Variants in MEGF11 observed in about 807,000 individuals in gnomAD.
The protein encoded by MEGF11 is multiple EGF like domains 11.
A neutral mutation model predicts 146.6 loss-of-function variants in MEGF11; 126 were observed. The observed-to-expected ratio is 0.86, with a 90% confidence interval of 0.74 to 1.00. The LOEUF is 1.00. Among genes scored for constraint, MEGF11 ranks in the 50% least tolerant of loss-of-function variants. The probability of loss-of-function intolerance (pLI) is 0.00; values close to 1 mark genes in which losing one functional copy is unlikely to be tolerated. For missense variants in MEGF11, 1,509 were observed against 1,521.2 expected, an observed-to-expected ratio of 0.99 and a Z score of 0.13; for synonymous variants, 532 against 583.4, an observed-to-expected ratio of 0.91 and a Z score of 1.27.
intron 5 of MEGF11, among the ~76,000 whole-genome samples, chr15:66,023,498 C>T (rs1401417113): frequency 6.6e-6 from 1 of 152,206 alleles, no homozygotes; most frequent in Non-Finnish European, 1.5e-5. Flanking sequence ...GCCAAGGCTC[C>T]CTGCCAGGGA....
intron 1 of MEGF11, among the ~76,000 whole-genome samples, chr15:66,217,840 T>A (rs9919964): frequency 7.2e-4 from 109 of 152,312 alleles, no homozygotes; most frequent in African/African-American, 2.3e-3. Context: ...TCCAGAAAGC[T>A]GAGGCCCCAA....
intron 5 of MEGF11, among the ~76,000 whole-genome samples, chr15:65,989,154 C>T (rs930535407): frequency 6.6e-6 from 1 of 152,134 alleles, no homozygotes; most frequent in East Asian, 1.9e-4. Flanking sequence ...TCTCTGTTCT[C>T]ACTGGTCCTC....
intron 6 of MEGF11, among the ~76,000 whole-genome samples, chr15:65,981,807 C>T (rs2081649098): frequency 6.6e-6 from 1 of 152,140 alleles, no homozygotes; most frequent in Non-Finnish European, 1.5e-5. Flanking sequence ...AGGACCCTCA[C>T]CTCTCTCTGT....
intron 21 of MEGF11, among the ~76,000 whole-genome samples, chr15:65,910,682 T>G (rs141730457): frequency 7.9e-4 from 120 of 152,284 alleles, no homozygotes; most frequent in African/African-American, 2.8e-3. Context: ...GTGGTTGCCC[T>G]TGAGGCTGTA....
chr15:66,156,542 G>A (rs945039481), intron 1 of MEGF11, among the ~76,000 whole-genome samples: 6 of 151,994 alleles, frequency 3.9e-5, no homozygotes, highest in Admixed American at 2.0e-4. Context: ...CCTGTGTCAG[G>A]ACACGGCAGA....
chr15:65,984,979 G>A (rs1356725579), intron 5 of MEGF11, among the ~76,000 whole-genome samples: 1 of 151,762 alleles, frequency 6.6e-6, no homozygotes. Flanking sequence ...ATGTTGGCCG[G>A]GTTGGTCTCA....
At position 65,970,648 on chromosome 15, in the gene MEGF11, G is replaced by C. The variant is rs560375185; in HGVS notation, c.804C>G (p.Gly268=). 1 of 1,613,126 alleles carries C rather than the reference G, an allele frequency of 6.2e-7. No individual in the cohort carries two copies. Among genetic ancestry groups the C allele is most frequent in the East Asian group, 2.2e-5 (1 of 44,874 alleles). ...CAQPCPPGTF[G]QNCSQDCPCH... is the part of the protein sequence containing the mutation. ...AAGGACAATCCTGGCTGCAGTTCTG[G>C]CCAAATGTCCCTGGTGGGCAGGGCT... Residue 268 remains glycine (G), a synonymous_variant, in exon 8 of 26, where the codon GGC becomes GGG. Transcript: ENST00000395614.
intron 1 of MEGF11, among the ~76,000 whole-genome samples, chr15:66,249,126 C>G (rs898659554): frequency 1.3e-5 from 2 of 152,170 alleles, no homozygotes; most frequent in African/African-American, 4.8e-5. Context: ...GACAGACAGA[C>G]AGAGTTTCAA....
At chr15:66,086,660 A>G (rs2086120969) in intron 5 of MEGF11, among the ~76,000 whole-genome samples, 1 of 152,228 alleles carries the variant, frequency 6.6e-6, no homozygotes, top group Non-Finnish European at 1.5e-5. Flanking sequence ...TGCTAAAAGG[A>G]GCTCTAAATC....
intron 10 of MEGF11, among the ~76,000 whole-genome samples, chr15:65,947,140 A>G (rs1354741054): frequency 6.6e-6 from 1 of 151,854 alleles, no homozygotes; most frequent in African/African-American, 2.4e-5. Context: ...TTTTTTTGCA[A>G]TATCCTTCAT....
chr15:66,056,247 C>G (rs959018624), intron 5 of MEGF11, among the ~76,000 whole-genome samples: 1 of 150,540 alleles, frequency 6.6e-6, no homozygotes, highest in Non-Finnish European at 1.5e-5. Flanking sequence ...CTGTTCTGGG[C>G]CTGGAGAGAA....
intron 1 of MEGF11, among the ~76,000 whole-genome samples, chr15:66,152,377 C>T (rs578196804): frequency 1.7e-3 from 265 of 152,250 alleles, no homozygotes; most frequent in African/African-American, 5.9e-3. Flanking sequence ...CAGACTCCCC[C>T]CTCCTCCTCA....
chr15:65,909,986 G>C (rs2078748522), intron 21 of MEGF11, 180 bp from the exon 22 acceptor site: 1 of 700,144 alleles, frequency 1.4e-6, no homozygotes, highest in Admixed American at 2.0e-5. Flanking sequence ...TGTGGTTGAT[G>C]CTAGTGGGAA....
At chr15:66,247,884 A>G (rs1320852120) in intron 1 of MEGF11, among the ~76,000 whole-genome samples, 2 of 151,926 alleles carry the variant, frequency 1.3e-5, no homozygotes, top group African/African-American at 4.8e-5. Context: ...TAAAAATACA[A>G]AATTAGCCAG....
chr15:66,185,559 C>T (rs563180193), intron 1 of MEGF11, among the ~76,000 whole-genome samples: 1 of 152,300 alleles, frequency 6.6e-6, no homozygotes, highest in Non-Finnish European at 1.5e-5. Context: ...TCCAGTAGGG[C>T]ACACGCACTG....
intron 1 of MEGF11, among the ~76,000 whole-genome samples, chr15:66,203,739 C>T (rs1220306499): frequency 6.6e-6 from 1 of 152,166 alleles, no homozygotes; most frequent in South Asian, 2.1e-4. Flanking sequence ...GACCAAACAA[C>T]CAATGCAATA....
At position 65,916,808 on chromosome 15, in the gene MEGF11, G is replaced by T; in HGVS notation, c.2215+20C>A. ...AGCATGGTATTCTAAGTGGCTGGGAGGCCAGGAGGTGGGGCTTACGCTGTG... is the reference window on the plus strand; with the variant it reads ...AGCATGGTATTCTAAGTGGCTGGGATGCCAGGAGGTGGGGCTTACGCTGTG... On this transcript the variant is annotated intron_variant, in intron 17 of 25. Coordinates refer to ENST00000395614, the MANE Select transcript of MEGF11 (RefSeq NM_001385028.1). 2 of 1,610,844 alleles carry T rather than the reference G, an allele frequency of 1.2e-6. No individual in the cohort carries two copies. The highest frequency in any genetic ancestry group is 1.7e-6 in the Non-Finnish European group (2 of 1,178,592).
Position 66,044,433 on chromosome 15 carries a change from G to T in MEGF11, c.394+49969C>A, listed in dbSNP as rs115214875. Reference sequence around the variant, plus strand: ...TGAACTTCTTCAAGGCAGAAAGGGAGAATGTACATCTTTCTATCTCTGATG... The same window carrying T: ...TGAACTTCTTCAAGGCAGAAAGGGATAATGTACATCTTTCTATCTCTGATG... On this transcript the variant is annotated intron_variant, in intron 5 of 25. Coordinates refer to ENST00000395614, the MANE Select transcript of MEGF11 (RefSeq NM_001385028.1). Among the ~76,000 whole-genome samples, 458 of 152,270 alleles carry T rather than the reference G, an allele frequency of 3.0e-3. 4 individuals are homozygous for T. The highest frequency in any genetic ancestry group is 0.011 in the African/African-American group (437 of 41,548).
rs1348986678 is a variant in MEGF11, at chr15:65,915,599, C to T, written c.2345-1G>A. On this transcript the variant is annotated splice_acceptor_variant, in intron 18 of 25. Transcript: ENST00000395614. LOFTEE classifies it high-confidence loss of function. The stretch of plus-strand genomic sequence containing the variant: ...TAGCCAAAGGTTCCTGGGGCACATC[C>T]TGTGTGGCACAAAGAGTTAGGGTAG... The T allele has an allele frequency of 1.2e-6, 2 of 1,613,788 alleles. No homozygotes were observed. Among genetic ancestry groups the T allele is most frequent in the Non-Finnish European group, 1.7e-6 (2 of 1,179,752 alleles).
Sources: gnomAD v4.1 joint callset for allele counts (sites outside exome capture counted in the v4.1 genomes callset) on GRCh38, gnomAD v4.1.1 for gene constraint, MANE v1.5 for transcripts, NCBI Gene and HGNC (gene_info 2026-07-23, HGNC 2026-07-21) for gene names.